Variants in POLR3G observed in about 807,000 individuals in gnomAD.
POLR3G encodes RNA polymerase III subunit G, also known as DNA-directed RNA polymerase III subunit RPC7.
POLR3G carries 28 observed loss-of-function variants against 30.1 expected under a neutral mutation model. That is an observed-to-expected ratio of 0.93 (90% CI 0.69 to 1.27). POLR3G has a LOEUF of 1.27. POLR3G is among the 50% of genes most tolerant of loss of function. The probability of loss-of-function intolerance (pLI) is 0.00; values close to 1 mark genes in which losing one functional copy is unlikely to be tolerated. For missense variants in POLR3G, 254 were observed against 264.6 expected (o/e 0.96, Z 0.28); for synonymous variants, 79 against 82.5 (o/e 0.96, Z 0.23).
At chr5:90,493,112 G>A (rs1007675719) in intron 3 of POLR3G, among the ~76,000 whole-genome samples, 8 of 152,212 alleles carry the variant, frequency 5.3e-5, no homozygotes, top group African/African-American at 1.9e-4. Flanking sequence ...TTTGTATGTG[G>A]CAGCCGATGC....
intron 7 of POLR3G, among the ~76,000 whole-genome samples, chr5:90,507,691 C>T (rs569694220): frequency 1.3e-5 from 2 of 152,240 alleles, no homozygotes; most frequent in East Asian, 3.9e-4. Flanking sequence ...CCTTCCTATT[C>T]TTTTTTCACA....
chr5:90,491,592 T>A (rs1001945967), intron 3 of POLR3G, among the ~76,000 whole-genome samples: 1 of 152,100 alleles, frequency 6.6e-6, no homozygotes, highest in Non-Finnish European at 1.5e-5. Flanking sequence ...CTTTTATTCT[T>A]GCATAGAGGT....
rs143578945 is a variant in POLR3G at position 90,490,911 on chromosome 5, G to A, written c.247+2782G>A. 3.1e-3 allele frequency: 496 copies of A among 159,554 alleles called. 2 individuals carry two copies. Among genetic ancestry groups the A allele is most frequent in the African/African-American group, 0.011 (448 of 41,596 alleles). The allele number at this position is 159,554 out of a possible 1,614,324, so 9.9% of individuals were successfully genotyped here. ...AAGAGAACGACCCTACTGTCAGAGA[G>A]AATCATATTCCGGATAGAGATGTTG... On this transcript the variant is annotated intron_variant, in intron 3 of 7. Coordinates refer to ENST00000651687, the MANE Select transcript of POLR3G (RefSeq NM_006467.3).
At chr5:90,478,391 AG>A (rs1669622082) in intron 1 of POLR3G, among the ~76,000 whole-genome samples, 1 of 152,078 alleles carries the variant, frequency 6.6e-6, no homozygotes, top group South Asian at 2.1e-4. Flanking sequence ...GGATTAAAAA[AG>A]TCTTCTAACC....
Position 90,501,889 on chromosome 5 carries a change from TG to T in POLR3G, c.356-15del. 1 of 1,611,638 alleles carries T rather than the reference TG, an allele frequency of 6.2e-7. No individual in the cohort carries two copies. Among genetic ancestry groups the T allele is most frequent in the Non-Finnish European group, 8.5e-7 (1 of 1,178,680 alleles). Reference sequence around the variant, plus strand: ...TGCAGTTGCAGAAAAATGTGTTAACTGGTAGTTTTACTTCAGCAGGCCCAAA... The same window carrying T: ...TGCAGTTGCAGAAAAATGTGTTAACTGTAGTTTTACTTCAGCAGGCCCAAA... On this transcript the variant is annotated splice_polypyrimidine_tract_variant and intron_variant, in intron 5 of 7. Transcript: ENST00000651687.
intron 3 of POLR3G, among the ~76,000 whole-genome samples, chr5:90,490,174 A>C (rs548246079): frequency 6.6e-6 from 1 of 152,162 alleles, no homozygotes; most frequent in South Asian, 2.1e-4. Flanking sequence ...TATTAAAAAC[A>C]TAATTTTGTT....
rs753128879 is a variant in POLR3G at position 90,506,534 on chromosome 5, GA to G, written c.451del (p.Arg151GlufsTer84). 1.2e-6 allele frequency: 2 copies of G among 1,611,932 alleles called. No homozygotes were observed. Among genetic ancestry groups the G allele is most frequent in the Admixed American group, 3.4e-5 (2 of 59,644 alleles). ...EDVLKKMEEL[E>X]KRGDGEKSDE... is the part of the protein sequence containing the mutation. ...TGAAACTCACTTATACCAGGAATTG[GA>G]AAAAAGAGGTGATGGTGAAAAATCA... On this transcript the variant is annotated frameshift_variant, in exon 7 of 8. Transcript: ENST00000651687. LOFTEE classifies it high-confidence loss of function.
At chr5:90,500,991 T>G (rs1752218211) in intron 5 of POLR3G, among the ~76,000 whole-genome samples, 1 of 152,086 alleles carries the variant, frequency 6.6e-6, no homozygotes, top group African/African-American at 2.4e-5. Context: ...CCCTGCACTT[T>G]CAGAATAGCC....
At position 90,485,638 on chromosome 5, in the gene POLR3G, G is replaced by T. The variant is rs1580198222; in HGVS notation, c.71G>T (p.Gly24Val). 1.9e-6 allele frequency: 3 copies of T among 1,614,056 alleles called. No individual in the cohort carries two copies. The East Asian group carries it at 6.7e-5, about 36-fold the overall frequency. Residue 24 changes from glycine to valine, a missense_variant, in exon 2 of 8, where the codon GGT (glycine) becomes GTT (valine). Physicochemically the swap from Gly to Val is moderately radical, Grantham distance 109 (BLOSUM62 -3). Coordinates refer to ENST00000651687, the MANE Select transcript of POLR3G (RefSeq NM_006467.3). ...ATTGAGGCTGTTGGATTTAGCAAAG[G>T]TGAAAAGTTACCTGATGTAGTGTTG... ...FNIEAVGFSKGEKLPDVVLKP... is the reference protein window; with the variant it reads ...FNIEAVGFSKVEKLPDVVLKP...
At chr5:90,510,010 G>A (rs1752661195) in intron 7 of POLR3G, among the ~76,000 whole-genome samples, 1 of 152,176 alleles carries the variant, frequency 6.6e-6, no homozygotes, top group Admixed American at 6.5e-5. Context: ...CAATACTCTT[G>A]AAAGGATATT....
intron 1 of POLR3G, among the ~76,000 whole-genome samples, chr5:90,478,115 C>T (rs1750929942): frequency 6.6e-6 from 1 of 152,186 alleles, no homozygotes; most frequent in South Asian, 2.1e-4. Context: ...TACCTCATAA[C>T]TCATAAAATG....
At chr5:90,481,661 T>C (rs1554038327) in intron 1 of POLR3G, among the ~76,000 whole-genome samples, 1 of 151,506 alleles carries the variant, frequency 6.6e-6, no homozygotes, top group African/African-American at 2.4e-5. Flanking sequence ...CTTAGACAAA[T>C]AGAAAGAAAA....
Position 90,512,232 on chromosome 5 carries a change from C to A in POLR3G, c.*93C>A, listed in dbSNP as rs1377221150. On this transcript the variant is annotated 3_prime_UTR_variant, in exon 8 of 8. Coordinates refer to ENST00000651687, the MANE Select transcript of POLR3G (RefSeq NM_006467.3). Reference sequence around the variant, plus strand: ...TTTTATTTCTGATAAGGAATAAGTACTTGTTTCTGTTGTTTTGGACAAATA... The same window carrying A: ...TTTTATTTCTGATAAGGAATAAGTAATTGTTTCTGTTGTTTTGGACAAATA... 1.3e-5 allele frequency: 11 copies of A among 824,240 alleles called. No homozygotes were observed. In the Admixed American group the frequency reaches 2.0e-4, roughly 15 times the overall value. The allele number at this position is 824,240 out of a possible 1,614,324, so 51.1% of individuals were successfully genotyped here. A position where few individuals can be genotyped will look rare whatever the true frequency, so the allele number is the denominator to read the frequency against.
chr5:90,477,932 G>A (rs926296026), intron 1 of POLR3G, among the ~76,000 whole-genome samples: 1 of 152,196 alleles, frequency 6.6e-6, no homozygotes, highest in South Asian at 2.1e-4. Context: ...TGTAAATGAA[G>A]AGGATGAAGT....
At position 90,478,792 on chromosome 5, in the gene POLR3G, T is replaced by C. The variant is rs770358697; in HGVS notation, c.-44+3772T>C. 1.5e-3 allele frequency among the ~76,000 whole-genome samples: 220 copies of C among 151,458 alleles called. 1 individual carries two copies. Among genetic ancestry groups the C allele is most frequent in the Non-Finnish European group, 2.0e-3 (134 of 67,814 alleles). Reference sequence around the variant, plus strand: ...CGAGGTCAAGAGATCAAGACCATCCTGGCCAACATGGTGAAACCCTGTCTC... The same window carrying C: ...CGAGGTCAAGAGATCAAGACCATCCCGGCCAACATGGTGAAACCCTGTCTC... On this transcript the variant is annotated intron_variant, in intron 1 of 7. Coordinates refer to ENST00000651687, the MANE Select transcript of POLR3G (RefSeq NM_006467.3).
chr5:90,504,765 T>G (rs1027563606), intron 6 of POLR3G, among the ~76,000 whole-genome samples: 23 of 152,318 alleles, frequency 1.5e-4, no homozygotes, highest in Non-Finnish European at 1.9e-4. Context: ...TAAAAAAATA[T>G]AATATTAACA....
Position 90,497,728 on chromosome 5 carries a change from T to C in POLR3G, c.355+22T>C. ...AAAGGTACATTGACTAATATAATAG[T>C]AATTCAGGTAGGAAAAGGTTATTTC... On this transcript the variant is annotated intron_variant, in intron 5 of 7. Coordinates refer to ENST00000651687, the MANE Select transcript of POLR3G (RefSeq NM_006467.3). The C allele has an allele frequency of 1.9e-6, 3 of 1,588,976 alleles. No homozygotes were observed. The South Asian group carries it at 3.5e-5, about 18-fold the overall frequency.
chr5:90,477,290 T>G (rs192670527), intron 1 of POLR3G, among the ~76,000 whole-genome samples: 1 of 152,224 alleles, frequency 6.6e-6, no homozygotes, highest in East Asian at 1.9e-4. Context: ...GGCCACAGCG[T>G]GGGGTGCCTG....
chr5:90,481,328 GAA>G (rs1554038297), intron 1 of POLR3G, among the ~76,000 whole-genome samples: 2 of 137,986 alleles, frequency 1.4e-5, no homozygotes, highest in African/African-American at 2.7e-5. Context: ...CAGTATTCTT[GAA>G]AAAAAAAAAA....
Sources: gnomAD v4.1 joint callset for allele counts (sites outside exome capture counted in the v4.1 genomes callset) on GRCh38, gnomAD v4.1.1 for gene constraint, MANE v1.5 for transcripts, NCBI Gene and HGNC (gene_info 2026-07-23, HGNC 2026-07-21) for gene names.